TRABD2B: variants seen among roughly 807,000 people sequenced by gnomAD.
The protein encoded by TRABD2B is TraB domain containing 2B, also known as metalloprotease TIKI2.
In TRABD2B, 14 loss-of-function variants were observed where a neutral mutation model predicts 40.1. That is an observed-to-expected ratio of 0.35 (90% CI 0.23 to 0.55). TRABD2B has a LOEUF of 0.55. Among genes scored for constraint, TRABD2B ranks in the 20% least tolerant of loss-of-function variants. TRABD2B has a pLI of 0.90. For synonymous variants in TRABD2B, 263 were observed against 277.0 expected (o/e 0.95, Z 0.50); for missense variants, 541 against 648.6 (o/e 0.83, Z 1.80).
intron 2 of TRABD2B, among the ~76,000 whole-genome samples, chr1:47,809,288 G>A (rs902560388): frequency 2.0e-5 from 3 of 152,180 alleles, no homozygotes; most frequent in African/African-American, 4.8e-5. Flanking sequence ...TCTGAGGTCA[G>A]GCAAATCCTC....
At chr1:47,874,252 A>ATTTTTTTTTTTTTTTTTTTT (rs61411862) in intron 2 of TRABD2B, among the ~76,000 whole-genome samples, 1 of 90,520 alleles carries the variant, frequency 1.1e-5, no homozygotes, top group Non-Finnish European at 2.0e-5. Flanking sequence ...TGATTAATTA[A>ATTTTTTTTTTTTTTTTTTTT]TTTTTTTTTT....
intron 2 of TRABD2B, among the ~76,000 whole-genome samples, chr1:47,951,144 C>T (rs1170707517): frequency 6.6e-6 from 1 of 152,208 alleles, no homozygotes; most frequent in Non-Finnish European, 1.5e-5. Context: ...TCCTTTCCTC[C>T]CCAGCGCCAA....
intron 2 of TRABD2B, among the ~76,000 whole-genome samples, chr1:47,971,340 C>T (rs1413020599): frequency 6.6e-6 from 1 of 152,222 alleles, no homozygotes; most frequent in African/African-American, 2.4e-5. Context: ...AATGTCAGCT[C>T]TCTCAATACA....
At chr1:47,802,269 A>G (rs1644833722) in intron 2 of TRABD2B, among the ~76,000 whole-genome samples, 1 of 152,316 alleles carries the variant, frequency 6.6e-6, no homozygotes, top group South Asian at 2.1e-4. Context: ...AGATGCCCAG[A>G]TCTCGCCCTC....
chr1:47,962,436 T>C (rs923952446), intron 2 of TRABD2B, among the ~76,000 whole-genome samples: 1 of 152,156 alleles, frequency 6.6e-6, no homozygotes, highest in Non-Finnish European at 1.5e-5. Context: ...TTATTTCCTA[T>C]TGTAGCTCCT....
chr1:47,970,203 A>C (rs539994371), intron 2 of TRABD2B, among the ~76,000 whole-genome samples: 2 of 152,118 alleles, frequency 1.3e-5, no homozygotes, highest in East Asian at 1.9e-4. Context: ...AATATGAATA[A>C]ATATGGAGTA....
intron 2 of TRABD2B, among the ~76,000 whole-genome samples, chr1:47,967,336 AACACACACACAC>A (rs56776440): frequency 6.8e-6 from 1 of 147,276 alleles, no homozygotes; most frequent in Non-Finnish European, 1.5e-5. Context: ...TAAGCAAGAA[AACACACACACAC>A]ACACACACAC....
intron 2 of TRABD2B, among the ~76,000 whole-genome samples, chr1:47,840,289 CTT>C (rs910193679): frequency 6.6e-6 from 1 of 152,222 alleles, no homozygotes; most frequent in African/African-American, 2.4e-5. Flanking sequence ...CTTAAGCAGT[CTT>C]CGACAAGGCC....
intron 2 of TRABD2B, among the ~76,000 whole-genome samples, chr1:47,984,424 C>T (rs893788343): frequency 1.3e-5 from 2 of 152,242 alleles, no homozygotes; most frequent in Non-Finnish European, 2.9e-5. Flanking sequence ...GGCGGCGCGG[C>T]TCGGGCCAAA....
rs141215847 is a variant in TRABD2B, at chr1:47,977,491, G to T, written c.666+16543C>A. ...ACGCTGTTCATTTTCACATGCCTGAGCTCCATTTACCCGAGCAATCATCCT... is the reference window on the plus strand; with the variant it reads ...ACGCTGTTCATTTTCACATGCCTGATCTCCATTTACCCGAGCAATCATCCT... On this transcript the variant is annotated intron_variant, in intron 2 of 6. Coordinates refer to ENST00000606738, the MANE Select transcript of TRABD2B (RefSeq NM_001194986.2). Among the ~76,000 whole-genome samples the T allele has an allele frequency of 2.3e-3, 355 of 152,240 alleles. 1 individual carries two copies. Among genetic ancestry groups the T allele is most frequent in the African/African-American group, 8.2e-3 (341 of 41,538 alleles).
intron 2 of TRABD2B, among the ~76,000 whole-genome samples, chr1:47,993,750 C>T (rs1011059339): frequency 1.3e-5 from 2 of 152,216 alleles, no homozygotes; most frequent in Admixed American, 6.5e-5. Flanking sequence ...ATTCTTTCTG[C>T]CCAGGCAAGC....
intron 2 of TRABD2B, among the ~76,000 whole-genome samples, chr1:47,912,928 C>G (rs183233378): frequency 6.6e-6 from 1 of 152,288 alleles, no homozygotes; most frequent in Admixed American, 6.5e-5. Context: ...TAGGAAGCAG[C>G]ACAGGCCGCC....
At chr1:47,795,227 T>C (rs1644732698) in intron 3 of TRABD2B, among the ~76,000 whole-genome samples, 2 of 152,230 alleles carry the variant, frequency 1.3e-5, no homozygotes, top group Non-Finnish European at 1.5e-5. Context: ...AGCATTGTTA[T>C]TCCAGTTTTA....
At chr1:47,970,119 T>C (rs969800548) in intron 2 of TRABD2B, among the ~76,000 whole-genome samples, 4 of 151,958 alleles carry the variant, frequency 2.6e-5, no homozygotes, top group African/African-American at 9.7e-5. Flanking sequence ...GGATGACTTA[T>C]CAGAGACTCC....
chr1:47,816,201 C>A (rs927168267), intron 2 of TRABD2B, among the ~76,000 whole-genome samples: 5 of 152,178 alleles, frequency 3.3e-5, no homozygotes, highest in Non-Finnish European at 7.3e-5. Flanking sequence ...GGCCCTGGGG[C>A]CCGGGGTCTG....
chr1:47,892,766 C>T (rs968627387), intron 2 of TRABD2B, among the ~76,000 whole-genome samples: 7 of 152,200 alleles, frequency 4.6e-5, no homozygotes, highest in African/African-American at 1.4e-4. Flanking sequence ...GAGGTGATAA[C>T]AGCTGAAGAA....
At chr1:47,820,379 A>G (rs1645089306) in intron 2 of TRABD2B, 1 of 152,240 alleles carries the variant, frequency 6.6e-6, no homozygotes, top group Non-Finnish European at 1.5e-5. Context: ...CAGCAAGTGA[A>G]ATTGCTTACT....
At chr1:47,795,677 C>T in intron 3 of TRABD2B, 2 of 985,338 alleles carry the variant, frequency 2.0e-6, no homozygotes, top group Non-Finnish European at 2.4e-6. Flanking sequence ...CAGCACATGC[C>T]ACCCTACAGA....
intron 2 of TRABD2B, among the ~76,000 whole-genome samples, chr1:47,809,821 G>C (rs1644939351): frequency 1.3e-5 from 2 of 152,152 alleles, no homozygotes; most frequent in South Asian, 4.1e-4. Flanking sequence ...GCAGGGACCA[G>C]GGATCTAGTC....
Sources: gnomAD v4.1 joint callset for allele counts (sites outside exome capture counted in the v4.1 genomes callset) on GRCh38, gnomAD v4.1.1 for gene constraint, MANE v1.5 for transcripts, NCBI Gene and HGNC (gene_info 2026-07-23, HGNC 2026-07-21) for gene names.